Variants in EYS observed in about 807,000 individuals in gnomAD.
The protein encoded by EYS is EGF-like photoreceptor maintenance factor.
Under a neutral mutation model 282.1 loss-of-function variants are expected in EYS, and 250 were observed. The ratio of observed to expected loss-of-function variants is 0.89; its 90% CI spans 0.80 to 0.98. EYS has a LOEUF of 0.98. Ranked by LOEUF, EYS falls within the 50% of genes least tolerant of loss-of-function variation. EYS has a pLI of 0.00. For missense variants in EYS, 4,016 were observed against 3,709.0 expected (o/e 1.08, Z -2.15); for synonymous variants, 1,355 against 1,282.9 (o/e 1.06, Z -1.20).
intron 28 of EYS, among the ~76,000 whole-genome samples, chr6:64,391,481 A>T (rs1055688586): frequency 6.6e-6 from 1 of 151,666 alleles, no homozygotes; most frequent in Non-Finnish European, 1.5e-5. Flanking sequence ...CAACATTCTT[A>T]AAGAAAAGAA....
intron 26 of EYS, among the ~76,000 whole-genome samples, chr6:64,500,369 T>C (rs570880094): frequency 1.3e-5 from 2 of 152,234 alleles, no homozygotes; most frequent in East Asian, 3.9e-4. Context: ...CTGTTTGCTC[T>C]TAGACAAGTT....
intron 14 of EYS, among the ~76,000 whole-genome samples, chr6:64,977,996 A>C (rs1770529040): frequency 6.6e-6 from 1 of 151,944 alleles, no homozygotes; most frequent in Admixed American, 6.6e-5. Context: ...GTGACAATAG[A>C]AGCAGCAAGT....
chr6:65,054,046 T>G (rs144815677), intron 13 of EYS, among the ~76,000 whole-genome samples: 1 of 152,120 alleles, frequency 6.6e-6, no homozygotes, highest in African/African-American at 2.4e-5. Context: ...TTTGAGCTTT[T>G]TGCATAGAAA....
intron 15 of EYS, among the ~76,000 whole-genome samples, chr6:64,918,090 A>G (rs1768221884): frequency 6.6e-6 from 1 of 152,140 alleles, no homozygotes; most frequent in African/African-American, 2.4e-5. Flanking sequence ...CAACAAAATT[A>G]TATTCATACC....
chr6:64,387,657 G>A (rs1328719724), intron 29 of EYS, among the ~76,000 whole-genome samples: 1 of 152,068 alleles, frequency 6.6e-6, no homozygotes, highest in African/African-American at 2.4e-5. Flanking sequence ...GGAACTTTTA[G>A]AATGGTTTCA....
In EYS at chr6:65,456,015, AGGAAG is replaced by A. The variant is rs1764593493; in HGVS notation, c.862+34574_862+34578del. Reference sequence around the variant, plus strand: ...AGAGAGAAAGAAAAAGAAAGAAAGAAGGAAGGAAGGAAGGGAAGAAAGAAAGAAAG... The same window carrying A: ...AGAGAGAAAGAAAAAGAAAGAAAGAAGAAGGAAGGGAAGAAAGAAAGAAAG... On this transcript the variant is annotated intron_variant, in intron 5 of 42. Transcript: ENST00000503581. Among the ~76,000 whole-genome samples, 7 of 148,582 alleles carry A rather than the reference AGGAAG, an allele frequency of 4.7e-5. 1 individual carries two copies. In the South Asian group the frequency reaches 1.3e-3, roughly 27 times the overall value.
rs373223745 is a variant in EYS at position 64,886,724 on chromosome 6, T to G, written c.2965A>C (p.Asn989His). Residue 989 changes from asparagine (N) to histidine (H), a missense_variant, in exon 19 of 43, where the codon AAC becomes CAC. By Grantham distance (68) the Asn-to-His change is moderately conservative (BLOSUM62 1). Coordinates refer to ENST00000503581, the MANE Select transcript of EYS (RefSeq NM_001142800.2). Reference sequence around the variant, plus strand: ...GTATAACCAGGGGCACAGAGGCAGTTGTATCCATCAGTCCTGTAGACACAA... The same window carrying G: ...GTATAACCAGGGGCACAGAGGCAGTGGTATCCATCAGTCCTGTAGACACAA... ...ENCVYRTDGY[N>H]CLCAPGYTGI... The G allele has an allele frequency of 1.3e-6, 2 of 1,546,416 alleles. No individual in the cohort carries two copies. Among genetic ancestry groups the G allele is most frequent in the Middle Eastern group, 1.7e-4 (1 of 5,986 alleles).
intron 22 of EYS, among the ~76,000 whole-genome samples, chr6:64,650,175 A>T (rs139642011): frequency 1.5e-3 from 226 of 152,094 alleles, no homozygotes; most frequent in African/African-American, 5.2e-3. Flanking sequence ...CATAGCAAAA[A>T]CTCTGGTTTA....
At chr6:65,157,928 G>T (rs1207131585) in intron 12 of EYS, among the ~76,000 whole-genome samples, 3 of 150,338 alleles carry the variant, frequency 2.0e-5, no homozygotes, top group Non-Finnish European at 4.5e-5. Flanking sequence ...TATTTTTTCT[G>T]GCAACCATAA....
chr6:64,886,876 G>C, intron 18 of EYS, 34 bp from the exon 19 acceptor site: 1 of 1,297,536 alleles, frequency 7.7e-7, no homozygotes, highest in Middle Eastern at 1.8e-4. Flanking sequence ...GAATAGCCAT[G>C]TAACAATGAT....
chr6:63,845,543 G>T (rs1581886343), intron 36 of EYS, among the ~76,000 whole-genome samples: 1 of 152,074 alleles, frequency 6.6e-6, no homozygotes, highest in Admixed American at 6.6e-5. Flanking sequence ...AAGAGGTGTT[G>T]TTCTTTTGCT....
intron 2 of EYS, among the ~76,000 whole-genome samples, chr6:65,544,030 G>A (rs1582437258): frequency 9.2e-6 from 1 of 108,908 alleles, no homozygotes; most frequent in African/African-American, 5.9e-5. Context: ...GTGTGTGTGT[G>A]AGAGAGAGAG....
At chr6:64,711,260 A>C (rs1771203679) in intron 22 of EYS, among the ~76,000 whole-genome samples, 1 of 152,180 alleles carries the variant, frequency 6.6e-6, no homozygotes, top group African/African-American at 2.4e-5. Context: ...TAAACCTAGA[A>C]ATGCTTGTTT....
intron 30 of EYS, among the ~76,000 whole-genome samples, chr6:64,238,488 A>G (rs771863204): frequency 6.6e-6 from 1 of 151,942 alleles, no homozygotes; most frequent in Non-Finnish European, 1.5e-5. Context: ...TGTACCCCTC[A>G]CCCTGTATTG....
At chr6:64,058,485 C>T (rs1172147448) in intron 33 of EYS, among the ~76,000 whole-genome samples, 1 of 152,110 alleles carries the variant, frequency 6.6e-6, no homozygotes, top group Admixed American at 6.6e-5. Flanking sequence ...TTAAGGAGAG[C>T]TAGGGGGACT....
intron 31 of EYS, among the ~76,000 whole-genome samples, chr6:64,125,946 T>G (rs2150277872): frequency 6.6e-6 from 1 of 151,946 alleles, no homozygotes; most frequent in East Asian, 1.9e-4. Context: ...ACTTTAAGTT[T>G]TAGGGTACAC....
chr6:64,553,672 G>T (rs1765159662), intron 26 of EYS, among the ~76,000 whole-genome samples: 1 of 150,606 alleles, frequency 6.6e-6, no homozygotes, highest in East Asian at 2.0e-4. Flanking sequence ...CAAGTATCCT[G>T]AGTTAACTCT....
chr6:65,421,170 T>C (rs1460067322), intron 5 of EYS, among the ~76,000 whole-genome samples: 1 of 151,896 alleles, frequency 6.6e-6, no homozygotes, highest in Non-Finnish European at 1.5e-5. Flanking sequence ...GGTGGCACTA[T>C]CTTCTGATAC....
At chr6:65,144,977 G>T (rs1014116287) in intron 12 of EYS, among the ~76,000 whole-genome samples, 5 of 151,582 alleles carry the variant, frequency 3.3e-5, no homozygotes, top group African/African-American at 1.2e-4. Flanking sequence ...CACCATGTTG[G>T]CCAGGCTAGT....
Sources: allele counts gnomAD v4.1 joint callset (sites outside exome capture counted in the v4.1 genomes callset), GRCh38; gene constraint gnomAD v4.1.1; transcripts MANE v1.5; gene names NCBI Gene and HGNC (gene_info 2026-07-23, HGNC 2026-07-21).